Variants in COL15A1 observed in about 807,000 individuals in gnomAD.
The protein encoded by COL15A1 is collagen alpha-1(XV) chain.
Under a neutral mutation model 165.9 loss-of-function variants are expected in COL15A1, and 111 were observed. The observed-to-expected ratio is 0.67, with a 90% CI of 0.57 to 0.78. The LOEUF is 0.78. COL15A1 is among the 30% of genes least tolerant of loss of function. The probability of loss-of-function intolerance (pLI) is 0.00; values close to 1 mark genes in which losing one functional copy is unlikely to be tolerated. For missense variants in COL15A1, 1,745 were observed against 1,789.7 expected (o/e 0.98, Z 0.45); for synonymous variants, 659 against 674.8 (o/e 0.98, Z 0.36).
intron 19 of COL15A1, among the ~76,000 whole-genome samples, chr9:99,035,739 G>T (rs1378685431): frequency 1.3e-5 from 2 of 151,802 alleles, no homozygotes; most frequent in Non-Finnish European, 2.9e-5. Context: ...CCCTCCAGTT[G>T]CCCCATTCAA....
chr9:99,062,923 A>T, intron 38 of COL15A1, 127 bp from the exon 39 acceptor site: 1 of 1,120,190 alleles, frequency 8.9e-7, no homozygotes, highest in African/African-American at 1.7e-5. Context: ...TAAGAGTCAC[A>T]GTTACAGACA....
At chr9:99,016,673 G>A (rs746978365) in intron 11 of COL15A1, among the ~76,000 whole-genome samples, 5 of 152,258 alleles carry the variant, frequency 3.3e-5, no homozygotes, top group Non-Finnish European at 7.3e-5. Flanking sequence ...CACCACTTAA[G>A]GACTATAACT....
intron 21 of COL15A1, 139 bp downstream of exon 21, chr9:99,036,535 C>T: frequency 1.4e-6 from 1 of 738,072 alleles, no homozygotes; most frequent in Non-Finnish European, 2.2e-6. Context: ...TTCCACCTGC[C>T]AGCACCTACC....
chr9:99,023,337 G>A lies in COL15A1; in HGVS notation c.1762-20G>A. ...GTCTGGCAGTTAAATGCAAGTAGTGGAAATTTCTTCTCTTTCCAGGCAGGA... is the reference window on the plus strand; with the variant it reads ...GTCTGGCAGTTAAATGCAAGTAGTGAAAATTTCTTCTCTTTCCAGGCAGGA... On this transcript the variant is annotated intron_variant, in intron 13 of 41. Coordinates refer to ENST00000375001, the MANE Select transcript of COL15A1 (RefSeq NM_001855.5). The A allele has an allele frequency of 6.3e-7, 1 of 1,584,364 alleles. No homozygotes were observed. The highest frequency in any genetic ancestry group is 8.6e-7 in the Non-Finnish European group (1 of 1,165,348).
At chr9:99,047,905 C>T (rs760733578) in intron 27 of COL15A1, 36 bp from the exon 28 acceptor site, 41 of 1,607,714 alleles carry the variant, frequency 2.6e-5, no homozygotes, top group African/African-American at 4.0e-5. Context: ...GGTCTGTGGG[C>T]GGAGGGTTTA....
intron 16 of COL15A1, among the ~76,000 whole-genome samples, chr9:99,029,193 T>C (rs1432044552): frequency 6.6e-6 from 1 of 152,260 alleles, no homozygotes; most frequent in Admixed American, 6.5e-5. Context: ...AAGTCATTCA[T>C]GTTATTCTGC....
rs956884327 is a variant in COL15A1, at chr9:98,951,968, C to T, written c.100+7718C>T. 1.1e-4 allele frequency among the ~76,000 whole-genome samples: 16 copies of T among 152,224 alleles called. 1 individual carries two copies. Among genetic ancestry groups the T allele is most frequent in the Non-Finnish European group, 2.2e-4 (15 of 68,042 alleles). On this transcript the variant is annotated intron_variant, in intron 2 of 41. Transcript: ENST00000375001. Reference sequence around the variant, plus strand: ...TCTCTCCTCTCCCAGGCATAATGAGCATCTCTTTGTCTCAGGGCTTCTCAG... The same window carrying T: ...TCTCTCCTCTCCCAGGCATAATGAGTATCTCTTTGTCTCAGGGCTTCTCAG...
Position 99,049,758 on chromosome 9 carries a change from A to C in COL15A1, c.2862A>C (p.Gly954=), listed in dbSNP as rs969453684. The C allele has an allele frequency of 6.2e-7, 1 of 1,614,202 alleles. No individual in the cohort carries two copies. Among genetic ancestry groups the C allele is most frequent in the African/African-American group, 1.3e-5 (1 of 75,056 alleles). The change falls in exon 29 of 42, where the codon GGA becomes GGC. Residue 954 remains glycine (G), a splice_region_variant and synonymous_variant. Transcript: ENST00000375001. The part of the protein sequence containing the change: ...GPPGAVINIK[G]AIFPIPVRPH... The stretch of plus-strand genomic sequence containing the variant: ...CTGGAGCTGTGATTAACATCAAAGG[A>C]GTAAGTTGGCACGCAGTGGGAAGAC...
intron 41 of COL15A1, 32 bp downstream of exon 41, chr9:99,068,702 G>A (rs1449104199): frequency 3.2e-6 from 4 of 1,268,546 alleles, no homozygotes; most frequent in Non-Finnish European, 1.1e-6. Flanking sequence ...CAGATATGGT[G>A]TGATAGATAG....
In COL15A1 at chr9:99,008,617, AT is replaced by A. The variant is rs374114980; in HGVS notation, c.1353+3576del. 4.1e-3 allele frequency among the ~76,000 whole-genome samples: 617 copies of A among 151,348 alleles called. 7 individuals are homozygous for A. The highest frequency in any genetic ancestry group is 0.014 in the African/African-American group (568 of 41,282). ...TTGTTTATATGAGTATATTTTACTC[AT>A]TTTTTTTTGAGGCTGAGTTTCTCTC... On this transcript the variant is annotated intron_variant, in intron 9 of 41. Transcript: ENST00000375001.
intron 30 of COL15A1, among the ~76,000 whole-genome samples, chr9:99,051,857 C>T (rs1215683124): frequency 6.6e-6 from 1 of 152,130 alleles, no homozygotes; most frequent in Non-Finnish European, 1.5e-5. Context: ...GACTCCAGAC[C>T]CCTGAAACTT....
chr9:98,945,526 GC>G (rs5899364), intron 2 of COL15A1, among the ~76,000 whole-genome samples: 46,002 of 151,936 alleles, frequency 0.3, 7,282 homozygotes, highest in Non-Finnish European at 0.36. Flanking sequence ...CCTCTAGTCG[GC>G]CCAAAGGAAA....
intron 2 of COL15A1, among the ~76,000 whole-genome samples, chr9:98,970,417 A>G (rs1226769733): frequency 6.6e-6 from 1 of 152,226 alleles, no homozygotes; most frequent in Non-Finnish European, 1.5e-5. Flanking sequence ...ATGTACCCAA[A>G]TCAGAGAAAC....
Position 99,055,148 on chromosome 9 carries a change from G to A in COL15A1, c.3078G>A (p.Leu1026=), listed in dbSNP as rs1405552827. 44 of 1,612,976 alleles carry A rather than the reference G, an allele frequency of 2.7e-5. No individual in the cohort carries two copies. Among genetic ancestry groups the A allele is most frequent in the Non-Finnish European group, 3.7e-5 (44 of 1,179,068 alleles). ...ACCTGAGACACTTTCTGAACAACTT[G>A]AAGGTGAGTATTTCTCTACCAATAT... ...LAYLRHFLNN[L]KGENGDKGFK... The change falls in exon 33 of 42, where the codon TTG becomes TTA. Residue 1026 remains leucine, a synonymous_variant. Coordinates refer to ENST00000375001, the MANE Select transcript of COL15A1 (RefSeq NM_001855.5).
intron 14 of COL15A1, among the ~76,000 whole-genome samples, chr9:99,024,327 C>T (rs112955797): frequency 0.018 from 2,537 of 141,734 alleles, 81 homozygotes; most frequent in African/African-American, 0.065. Context: ...GTCGCCCAGG[C>T]TGGAGTGCAG....
chr9:98,946,961 G>A (rs548411107), intron 2 of COL15A1, among the ~76,000 whole-genome samples: 6 of 152,254 alleles, frequency 3.9e-5, no homozygotes, highest in South Asian at 2.1e-4. Context: ...TGTTATGAGC[G>A]GAAATACATG....
chr9:98,957,669 C>G (rs1039631342), intron 2 of COL15A1, among the ~76,000 whole-genome samples: 1 of 151,956 alleles, frequency 6.6e-6, no homozygotes, highest in African/African-American at 2.4e-5. Context: ...TTATTTCTCT[C>G]TCTCTCTCTC....
intron 10 of COL15A1, 134 bp downstream of exon 10, chr9:99,015,700 G>A: frequency 1.1e-6 from 1 of 871,340 alleles, no homozygotes; most frequent in African/African-American, 1.7e-5. Flanking sequence ...GGCAGCTGCT[G>A]GAGGGAGGCA....
chr9:99,000,389 G>A (rs1564042844), intron 6 of COL15A1, among the ~76,000 whole-genome samples: 1 of 151,436 alleles, frequency 6.6e-6, no homozygotes, highest in African/African-American at 2.4e-5. Context: ...ACATGAATAT[G>A]TTATATATAT....
Sources: allele counts gnomAD v4.1 joint callset (sites outside exome capture counted in the v4.1 genomes callset), GRCh38; gene constraint gnomAD v4.1.1; transcripts MANE v1.5; gene names NCBI Gene and HGNC (gene_info 2026-07-23, HGNC 2026-07-21).